The following ARMC6 variants were observed in gnomAD, a reference collection of about 807,000 sequenced individuals.
The protein encoded by ARMC6 is armadillo repeat containing 6, also known as armadillo repeat-containing protein 6.
A neutral mutation model predicts 49.2 loss-of-function variants in ARMC6; 43 were observed. The ratio of observed to expected loss-of-function variants is 0.87; its 90% confidence interval spans 0.69 to 1.13. ARMC6 has a LOEUF of 1.13. ARMC6 is among the 50% of genes most tolerant of loss of function. The pLI is 0.00. For synonymous variants in ARMC6, 262 were observed against 289.6 expected (o/e 0.90, Z 0.97); for missense variants, 627 against 682.0 (o/e 0.92, Z 0.90).
At chr19:19,042,959 G>T in intron 3 of ARMC6, 82 bp downstream of exon 3, 3 of 1,546,306 alleles carry the variant, frequency 1.9e-6, no homozygotes, top group South Asian at 1.2e-5. Context: ...CCGCCCCACT[G>T]GGGGTGCCAC....
At chr19:19,053,871 T>G (rs973876886) in intron 5 of ARMC6, among the ~76,000 whole-genome samples, 2 of 152,026 alleles carry the variant, frequency 1.3e-5, no homozygotes, top group African/African-American at 4.8e-5. Flanking sequence ...CTATTATAGT[T>G]TTCTTTTTTT....
chr19:19,056,075 C>A, intron 8 of ARMC6, 147 bp downstream of exon 8: 1 of 946,720 alleles, frequency 1.1e-6, no homozygotes, highest in Non-Finnish European at 1.4e-6. Context: ...GTCCCTCCCA[C>A]AGCCGAGCCC....
At chr19:19,054,548 T>C (rs1008034736) in intron 6 of ARMC6, among the ~76,000 whole-genome samples, 1 of 152,114 alleles carries the variant, frequency 6.6e-6, no homozygotes, top group Non-Finnish European at 1.5e-5. Flanking sequence ...AGCATAGGGT[T>C]GGGGTGTGTC....
Position 19,050,475 on chromosome 19 carries a change from CA to C in ARMC6, c.280-1143del, listed in dbSNP as rs2059486991. 2.0e-5 allele frequency among the ~76,000 whole-genome samples: 3 copies of C among 152,200 alleles called. No individual in the cohort carries two copies. The South Asian group carries it at 6.2e-4, about 31-fold the overall frequency. ...AAGTGATCCTCCTGCCTTGGCCTCC[CA>C]AAATGCTGGGATTACAGGCATGAGC... On this transcript the variant is annotated intron_variant, in intron 4 of 8. Transcript: ENST00000535612.
At position 19,054,441 on chromosome 19, in the gene ARMC6, T is replaced by C. The variant is rs2059526436; in HGVS notation, c.1023+120T>C. ...GTCGGAACCAAAGTGCAGTTTTTCT[T>C]TTCACGGACCCAAGGGCAGGAACCA... On this transcript the variant is annotated intron_variant, in intron 6 of 8. Coordinates refer to ENST00000535612, the MANE Select transcript of ARMC6 (RefSeq NM_001199196.2). 3 of 1,108,710 alleles carry C rather than the reference T, an allele frequency of 2.7e-6. No individual in the cohort carries two copies. In the Admixed American group the frequency reaches 1.1e-4, roughly 41 times the overall value. The allele number at this position is 1,108,710 out of a possible 1,614,324, so 68.7% of individuals were successfully genotyped here.
rs139268158 is a variant in ARMC6, at chr19:19,045,713, G to A, written c.279+1639G>A. On this transcript the variant is annotated intron_variant, in intron 4 of 8. Coordinates refer to ENST00000535612, the MANE Select transcript of ARMC6 (RefSeq NM_001199196.2). ...GTCACCCAGGCTGGAGTGCAGTGGC[G>A]TGATCTTGGCTCACTGCAAGCTCTG... Among the ~76,000 whole-genome samples, 50 of 150,344 alleles carry A rather than the reference G, an allele frequency of 3.3e-4. 1 individual carries two copies. In the East Asian group the frequency reaches 9.2e-3, roughly 28 times the overall value.
Position 19,055,993 on chromosome 19 carries a change from G to T in ARMC6, c.1293+65G>T, listed in dbSNP as rs1202688257. The T allele has an allele frequency of 2.6e-6, 4 of 1,536,630 alleles. No individual in the cohort carries two copies. The South Asian group carries it at 4.7e-5, about 18-fold the overall frequency. On this transcript the variant is annotated intron_variant, in intron 8 of 8. Coordinates refer to ENST00000535612, the MANE Select transcript of ARMC6 (RefSeq NM_001199196.2). This position sits in a 1 kb window ranked among gnomAD's most constrained non-coding sequence, Gnocchi z 5.7. ...GGATGTGCAGGTAGGTGCAGAGAGG[G>T]CATGGGAGCAGGTGCGGTGTGCGGG...
Position 19,055,321 on chromosome 19 carries a change from G to GA in ARMC6, c.1083dup (p.Asp362ArgfsTer27). ...GAGCCATCGCAGGCAACGACGACGTGAAAGATGCTATTGTCCGTGCTGGTG... is the reference window on the plus strand; with the variant it reads ...GAGCCATCGCAGGCAACGACGACGTGAAAAGATGCTATTGTCCGTGCTGGTG... On this transcript the variant is annotated frameshift_variant, in exon 7 of 9. Transcript: ENST00000535612. LOFTEE classifies it high-confidence loss of function. This position sits in a 1 kb window ranked among gnomAD's most constrained non-coding sequence, Gnocchi z 5.7. The GA allele has an allele frequency of 6.2e-7, 1 of 1,613,228 alleles. No homozygotes were observed. The highest frequency in any genetic ancestry group is 8.5e-7 in the Non-Finnish European group (1 of 1,179,564).
Position 19,051,659 on chromosome 19 carries a change from G to GT in ARMC6, c.317_318insT (p.Gln108ProfsTer44). The stretch of plus-strand genomic sequence containing the variant: ...CTCCAGGAGTCTGTGGCCAGCTCTC[G>GT]CCCCCAGGAGGTGTCAGCATACCTC... On this transcript the variant is annotated frameshift_variant, in exon 5 of 9. Transcript: ENST00000535612. LOFTEE classifies it high-confidence loss of function. 6.2e-7 allele frequency: 1 copy of GT among 1,610,810 alleles called. No homozygotes were observed. The highest frequency in any genetic ancestry group is 1.1e-5 in the South Asian group (1 of 90,712).
At chr19:19,037,184 C>CAA (rs56857678) in intron 2 of ARMC6, among the ~76,000 whole-genome samples, 1 of 142,772 alleles carries the variant, frequency 7.0e-6, no homozygotes, top group African/African-American at 2.6e-5. Flanking sequence ...GACTCTGTCT[C>CAA]AAAAAAAAAA....
At chr19:19,041,809 G>C (rs1036976776) in intron 2 of ARMC6, among the ~76,000 whole-genome samples, 1 of 152,124 alleles carries the variant, frequency 6.6e-6, no homozygotes, top group African/African-American at 2.4e-5. Flanking sequence ...TTTGTGGTGA[G>C]AACACTTAGA....
intron 4 of ARMC6, among the ~76,000 whole-genome samples, chr19:19,046,373 T>C (rs1220742407): frequency 6.6e-6 from 1 of 151,740 alleles, no homozygotes; most frequent in Non-Finnish European, 1.5e-5. Context: ...ATTTTTTGTA[T>C]TTTTTAGTAG....
At chr19:19,047,960 C>G (rs1457724548) in intron 4 of ARMC6, among the ~76,000 whole-genome samples, 1 of 152,142 alleles carries the variant, frequency 6.6e-6, no homozygotes, top group African/African-American at 2.4e-5. Context: ...TCTGTAATTT[C>G]AGCATTTTGG....
In ARMC6 at chr19:19,035,872, A is replaced by G. The variant is rs561315975; in HGVS notation, c.29+1634A>G. The stretch of plus-strand genomic sequence containing the variant: ...TGGTTGGGGCACAGCTTGCTTTTAT[A>G]CATTTTAGGGAGACGTGAGATATAA... On this transcript the variant is annotated intron_variant, in intron 2 of 8. Coordinates refer to ENST00000535612, the MANE Select transcript of ARMC6 (RefSeq NM_001199196.2). Among the ~76,000 whole-genome samples the G allele has an allele frequency of 1.2e-4, 19 of 152,316 alleles. 1 individual carries two copies. The highest frequency in any genetic ancestry group is 4.3e-4 in the African/African-American group (18 of 41,572).
chr19:19,048,557 T>TA (rs995875540), intron 4 of ARMC6, among the ~76,000 whole-genome samples: 3 of 151,946 alleles, frequency 2.0e-5, no homozygotes, highest in African/African-American at 7.2e-5. Context: ...AAGAGTTATC[T>TA]AAAGACCTAG....
At position 19,042,958 on chromosome 19, in the gene ARMC6, TG is replaced by T. The variant is rs541008412; in HGVS notation, c.196+86del. On this transcript the variant is annotated intron_variant, in intron 3 of 8. Transcript: ENST00000535612. ...GGAGAGCCCTGCTGCCCCGCCCCAC[TG>T]GGGGTGCCACATGCCTGGCATAGAA... The T allele has an allele frequency of 5.4e-4, 842 of 1,546,254 alleles. 3 individuals are homozygous for T. The African/African-American group carries it at 0.01, about 18-fold the overall frequency.
chr19:19,048,270 C>T (rs1224326688), intron 4 of ARMC6, among the ~76,000 whole-genome samples: 4 of 152,038 alleles, frequency 2.6e-5, no homozygotes, highest in African/African-American at 4.8e-5. Context: ...TGCTTGAACC[C>T]GGGAGGCAGA....
intron 2 of ARMC6, among the ~76,000 whole-genome samples, chr19:19,037,123 T>G (rs992080539): frequency 1.3e-5 from 2 of 152,000 alleles, no homozygotes; most frequent in African/African-American, 4.8e-5. Context: ...AGGCAGAGGT[T>G]GTGGTGAGCC....
In ARMC6 at chr19:19,054,319, C is replaced by G; in HGVS notation, c.1021C>G (p.Gln341Glu). ...CCAGATGAGGGACCAGAGCGGCGTT[C>G]AGGTATGAAGTCCCCCTGGCCCATT... ...DHQMRDQSGVQELVKQVLSTL... is the reference protein window; with the variant it reads ...DHQMRDQSGVEELVKQVLSTL... The change falls in exon 6 of 9, where the codon CAG (glutamine) becomes GAG (glutamate). Residue 341 changes from glutamine (Q) to glutamate (E), a missense_variant and splice_region_variant. By Grantham distance (29) the Gln-to-Glu change is conservative. Transcript: ENST00000535612. The G allele has an allele frequency of 1.3e-6, 2 of 1,578,538 alleles. No individual in the cohort carries two copies. The highest frequency in any genetic ancestry group is 1.7e-6 in the Non-Finnish European group (2 of 1,161,796).
Sources: gnomAD v4.1 joint callset for allele counts (sites outside exome capture counted in the v4.1 genomes callset) on GRCh38, gnomAD v4.1.1 for gene constraint, Gnocchi (gnomAD v3.1) non-coding constraint, MANE v1.5 for transcripts, NCBI Gene and HGNC (gene_info 2026-07-23, HGNC 2026-07-21) for gene names.